The following THSD7A variants were observed in gnomAD, a reference collection of about 807,000 sequenced individuals.
The protein encoded by THSD7A is thrombospondin type 1 domain containing 7A, also known as thrombospondin type-1 domain-containing protein 7A.
A neutral mutation model predicts 231.3 loss-of-function variants in THSD7A; 96 were observed. That is an observed-to-expected ratio of 0.41 (90% CI 0.35 to 0.49). The LOEUF is 0.49. Among genes scored for constraint, THSD7A ranks in the 20% least tolerant of loss-of-function variants. THSD7A has a pLI of 0.05. For missense variants in THSD7A, 2,290 were observed against 2,070.2 expected (o/e 1.11, Z -2.06); for synonymous variants, 940 against 743.3 (o/e 1.26, Z -4.30).
At chr7:11,466,918 C>T (rs961409701) in intron 9 of THSD7A, among the ~76,000 whole-genome samples, 1 of 152,086 alleles carries the variant, frequency 6.6e-6, no homozygotes, top group Non-Finnish European at 1.5e-5. Context: ...GCCTCACATG[C>T]CTGCCACTCA....
intron 4 of THSD7A, among the ~76,000 whole-genome samples, chr7:11,564,641 G>A (rs1018605350): frequency 1.3e-5 from 2 of 152,128 alleles, no homozygotes; most frequent in Non-Finnish European, 2.9e-5. Context: ...TAGATGGGCT[G>A]TCTCCTGATT....
At chr7:11,813,334 T>C (rs1260576768) in intron 1 of THSD7A, among the ~76,000 whole-genome samples, 1 of 152,196 alleles carries the variant, frequency 6.6e-6, no homozygotes, top group East Asian at 1.9e-4. Context: ...ATTACTTATC[T>C]TCTAATTACA....
At position 11,636,505 on chromosome 7, in the gene THSD7A, T is replaced by C. The variant is rs1261724653; in HGVS notation, c.647A>G (p.His216Arg). 6.2e-7 allele frequency: 1 copy of C among 1,613,850 alleles called. No individual in the cohort carries two copies. The highest frequency in any genetic ancestry group is 8.5e-7 in the Non-Finnish European group (1 of 1,179,872). Residue 216 changes from histidine to arginine, a missense_variant, in exon 2 of 28, where the codon CAC (histidine) becomes CGC (arginine). Coordinates refer to ENST00000423059, the MANE Select transcript of THSD7A (RefSeq NM_015204.3). This position sits in a 1 kb window ranked among gnomAD's most constrained non-coding sequence, Gnocchi z 10.0. ...CSKTCGSGLQHRTRHVVAPPQ... is the reference protein window; with the variant it reads ...CSKTCGSGLQRRTRHVVAPPQ... ...GGGCGCCACCACATGACGCGTCCGG[T>C]GCTGGAGCCCGCTGCCGCAGGTCTT...
chr7:11,778,554 G>C (rs1783514514), intron 1 of THSD7A, among the ~76,000 whole-genome samples: 1 of 152,122 alleles, frequency 6.6e-6, no homozygotes, highest in Non-Finnish European at 1.5e-5. Context: ...AGTCGAGGAA[G>C]AAGAGAAGAA....
At chr7:11,689,863 C>T (rs985510095) in intron 1 of THSD7A, among the ~76,000 whole-genome samples, 3 of 150,156 alleles carry the variant, frequency 2.0e-5, no homozygotes, top group Non-Finnish European at 4.4e-5. Context: ...AGCATTTCTG[C>T]CAAGCCAGGC....
At chr7:11,422,884 G>A (rs55994460) in intron 16 of THSD7A, among the ~76,000 whole-genome samples, 2,557 of 152,146 alleles carry the variant, frequency 0.017, 31 homozygotes, top group South Asian at 0.046. Context: ...ATTTCTTGAC[G>A]TTGTGATCTG....
At chr7:11,515,943 A>G (rs1175863959) in intron 6 of THSD7A, among the ~76,000 whole-genome samples, 1 of 152,202 alleles carries the variant, frequency 6.6e-6, no homozygotes, top group East Asian at 1.9e-4. Flanking sequence ...TATTTCAAGT[A>G]GCACTATCAA....
chr7:11,655,654 A>G (rs897983406), intron 1 of THSD7A, among the ~76,000 whole-genome samples: 2 of 151,898 alleles, frequency 1.3e-5, no homozygotes, highest in African/African-American at 4.8e-5. Flanking sequence ...CAAACAGTAA[A>G]TACATAAAAT....
At chr7:11,379,370 G>A (rs1440499758) in intron 25 of THSD7A, 90 bp from the exon 26 acceptor site, 1 of 1,318,386 alleles carries the variant, frequency 7.6e-7, no homozygotes. Context: ...TTTAAACAAG[G>A]TTTGTTTTGG....
chr7:11,670,671 C>T (rs1170833347), intron 1 of THSD7A, among the ~76,000 whole-genome samples: 1 of 152,112 alleles, frequency 6.6e-6, no homozygotes, highest in Non-Finnish European at 1.5e-5. Flanking sequence ...ATAAAGTGAT[C>T]CATTAGGATC....
At position 11,790,942 on chromosome 7, in the gene THSD7A, C is replaced by A. The variant is rs1050452076; in HGVS notation, c.190+40815G>T. ...AGTCCCTTCATTATTCTTTAAAGAACAAAATCCGTTATAGAGATCCCTCTA... is the reference window on the plus strand; with the variant it reads ...AGTCCCTTCATTATTCTTTAAAGAAAAAAATCCGTTATAGAGATCCCTCTA... On this transcript the variant is annotated intron_variant, in intron 1 of 27. Transcript: ENST00000423059. Among the ~76,000 whole-genome samples, 3 of 151,914 alleles carry A rather than the reference C, an allele frequency of 2.0e-5. No homozygotes were observed. The South Asian group carries it at 6.2e-4, about 32-fold the overall frequency.
At chr7:11,526,531 A>G (rs984682099) in intron 6 of THSD7A, among the ~76,000 whole-genome samples, 2 of 152,192 alleles carry the variant, frequency 1.3e-5, no homozygotes, top group African/African-American at 4.8e-5. Context: ...AGGGGCTGCT[A>G]TTATTAATGC....
chr7:11,820,687 T>A (rs1328004793), intron 1 of THSD7A: 1 of 869,620 alleles, frequency 1.1e-6, no homozygotes, highest in Non-Finnish European at 2.0e-6. Context: ...TAGTCCCCAG[T>A]CTCGATGTCT....
intron 1 of THSD7A, among the ~76,000 whole-genome samples, chr7:11,638,815 C>T (rs1161516311): frequency 6.6e-6 from 1 of 151,942 alleles, no homozygotes; most frequent in African/African-American, 2.4e-5. Context: ...ATGCAATCCA[C>T]CTAATAATAT....
chr7:11,796,060 A>T (rs1250590325), intron 1 of THSD7A, among the ~76,000 whole-genome samples: 2 of 77,910 alleles, frequency 2.6e-5, no homozygotes, highest in African/African-American at 4.5e-5. Context: ...ATATATATAT[A>T]TATATATATA....
intron 1 of THSD7A, among the ~76,000 whole-genome samples, chr7:11,818,292 T>C (rs73677846): frequency 0.016 from 2,472 of 152,318 alleles, 71 homozygotes; most frequent in African/African-American, 0.057. Context: ...TTTAGCTACA[T>C]AATCAATGTC....
chr7:11,818,817 C>A (rs993417823), intron 1 of THSD7A, among the ~76,000 whole-genome samples: 5 of 152,164 alleles, frequency 3.3e-5, no homozygotes. Context: ...ATACTCCTCT[C>A]AAGAGGGAAC....
chr7:11,434,209 T>A (rs890560952), intron 13 of THSD7A, among the ~76,000 whole-genome samples: 3 of 152,080 alleles, frequency 2.0e-5, no homozygotes, highest in African/African-American at 7.2e-5. Context: ...ACTGCTGGCA[T>A]CTTATAGCAA....
Position 11,371,037 on chromosome 7 carries a change from A to G in THSD7A, c.*4757T>C, listed in dbSNP as rs1034431410. The G allele has an allele frequency of 6.6e-6, 1 of 152,210 alleles. No homozygotes were observed. Among genetic ancestry groups the G allele is most frequent in the African/African-American group, 2.4e-5 (1 of 41,466 alleles). The allele number at this position is 152,210 out of a possible 1,614,324, so 9.4% of individuals were successfully genotyped here. Reference sequence around the variant, plus strand: ...GACAATTATATTCTAAATAATATAGAGATTTTTGATCACTGAAAACATGAC... The same window carrying G: ...GACAATTATATTCTAAATAATATAGGGATTTTTGATCACTGAAAACATGAC... On this transcript the variant is annotated 3_prime_UTR_variant, in exon 28 of 28. Transcript: ENST00000423059.
Sources: gnomAD v4.1 joint callset for allele counts (sites outside exome capture counted in the v4.1 genomes callset) on GRCh38, gnomAD v4.1.1 for gene constraint, Gnocchi (gnomAD v3.1) non-coding constraint, MANE v1.5 for transcripts, NCBI Gene and HGNC (gene_info 2026-07-23, HGNC 2026-07-21) for gene names.